Variants in CREB5 observed in about 807,000 individuals in gnomAD.
CREB5 encodes the protein cAMP responsive element binding protein 5.
A neutral mutation model predicts 57.1 loss-of-function variants in CREB5; 19 were observed. The ratio of observed to expected loss-of-function variants is 0.33; its 90% confidence interval spans 0.23 to 0.49. CREB5 has a LOEUF of 0.49. Ranked by LOEUF, CREB5 falls within the 20% of genes least tolerant of loss-of-function variation. The probability of loss-of-function intolerance (pLI) is 0.99; values close to 1 mark genes in which losing one functional copy is unlikely to be tolerated. For missense variants in CREB5, 579 were observed against 671.6 expected (o/e 0.86, Z 1.52); for synonymous variants, 238 against 238.3 (o/e 1.00, Z 0.01).
chr7:28,335,058 A>G (rs930286681), intron 1 of CREB5, among the ~76,000 whole-genome samples: 1 of 152,060 alleles, frequency 6.6e-6, no homozygotes, highest in Non-Finnish European at 1.5e-5. Flanking sequence ...CCCTTGGTCT[A>G]TGTGTCTTTA....
At chr7:28,403,267 C>T (rs1787512871) in intron 1 of CREB5, among the ~76,000 whole-genome samples, 1 of 152,164 alleles carries the variant, frequency 6.6e-6, no homozygotes, top group Non-Finnish European at 1.5e-5. Context: ...GGATTGATTC[C>T]TCCATCTAAC....
At chr7:28,481,588 C>T (rs1032018250) in intron 1 of CREB5, among the ~76,000 whole-genome samples, 1 of 152,160 alleles carries the variant, frequency 6.6e-6, no homozygotes, top group Non-Finnish European at 1.5e-5. Context: ...TGAAATGTCA[C>T]TTTTAAAGCA....
intron 5 of CREB5, among the ~76,000 whole-genome samples, chr7:28,684,501 G>A (rs930825068): frequency 3.9e-5 from 6 of 152,206 alleles, no homozygotes; most frequent in South Asian, 2.1e-4. Flanking sequence ...CCCTGAGTAC[G>A]GCAACACTCC....
intron 5 of CREB5, among the ~76,000 whole-genome samples, chr7:28,632,260 G>A (rs1270881096): frequency 6.6e-6 from 1 of 152,122 alleles, no homozygotes; most frequent in African/African-American, 2.4e-5. Flanking sequence ...AGCTACCAAG[G>A]AACAGAACTT....
chr7:28,557,942 G>T (rs1794941484), intron 4 of CREB5, among the ~76,000 whole-genome samples: 1 of 152,096 alleles, frequency 6.6e-6, no homozygotes, highest in Non-Finnish European at 1.5e-5. Context: ...ATTGCACCAG[G>T]GACCCCTAAG....
At chr7:28,391,730 A>G (rs769870844) in intron 1 of CREB5, among the ~76,000 whole-genome samples, 4 of 152,218 alleles carry the variant, frequency 2.6e-5, no homozygotes, top group Non-Finnish European at 5.9e-5. Flanking sequence ...ACCAAATATC[A>G]GAACAACAAA....
In CREB5 at chr7:28,764,223, G is replaced by C. The variant is rs13239891; in HGVS notation, c.702+39891G>C. Among the ~76,000 whole-genome samples, 148 of 151,928 alleles carry C rather than the reference G, an allele frequency of 9.7e-4. 1 individual carries two copies. In the South Asian group the frequency reaches 0.015, roughly 16 times the overall value. On this transcript the variant is annotated intron_variant, in intron 7 of 10. Transcript: ENST00000357727. The stretch of plus-strand genomic sequence containing the variant: ...TTTTACTGACCTGAATACACCCCTA[G>C]GTTCTTTAATGTTCTCTTATTATTT...
At chr7:28,456,107 G>A (rs1349742610) in intron 1 of CREB5, among the ~76,000 whole-genome samples, 5 of 152,130 alleles carry the variant, frequency 3.3e-5, no homozygotes, top group African/African-American at 1.2e-4. Context: ...AATTATAAAT[G>A]GACTTTAGAT....
chr7:28,784,963 T>C (rs781532918), intron 7 of CREB5, among the ~76,000 whole-genome samples: 4 of 152,200 alleles, frequency 2.6e-5, no homozygotes, highest in Non-Finnish European at 4.4e-5. Flanking sequence ...TCCTAGGGCC[T>C]CATTTCAAGT....
intron 1 of CREB5, among the ~76,000 whole-genome samples, chr7:28,300,551 G>C (rs1357486612): frequency 6.6e-6 from 1 of 152,146 alleles, no homozygotes; most frequent in African/African-American, 2.4e-5. Context: ...CCATGCTTTT[G>C]AGGAGTTTTC....
chr7:28,513,666 G>T (rs1035530298), intron 4 of CREB5: 1 of 152,184 alleles, frequency 6.6e-6, no homozygotes, highest in Non-Finnish European at 1.5e-5. Context: ...GGAATTTGAC[G>T]CTGGAAGGGA....
intron 1 of CREB5, among the ~76,000 whole-genome samples, chr7:28,364,600 C>G (rs1452435291): frequency 6.6e-6 from 1 of 152,162 alleles, no homozygotes; most frequent in East Asian, 1.9e-4. Flanking sequence ...CTCCAGTGTT[C>G]TTCCATTATG....
intron 1 of CREB5, among the ~76,000 whole-genome samples, chr7:28,305,712 T>C (rs1785169816): frequency 1.3e-5 from 2 of 148,760 alleles, no homozygotes; most frequent in African/African-American, 5.1e-5. Context: ...TTCTTGTTTT[T>C]CTTTTCTTTT....
rs149080071 is a variant in CREB5 at position 28,629,508 on chromosome 7, G to A, written c.464+58971G>A. ...CACTGTTGAGCAGGCAGGCTGGCAA[G>A]CAGGGAGTTTCTTTGCTTTAAAAGA... On this transcript the variant is annotated intron_variant, in intron 5 of 10. Coordinates refer to ENST00000357727, the MANE Select transcript of CREB5 (RefSeq NM_182898.4). Among the ~76,000 whole-genome samples the A allele has an allele frequency of 3.5e-3, 527 of 152,342 alleles. 2 individuals carry two copies. Among genetic ancestry groups the A allele is most frequent in the African/African-American group, 0.012 (500 of 41,574 alleles).
intron 5 of CREB5, among the ~76,000 whole-genome samples, chr7:28,638,419 C>G (rs1464524495): frequency 6.6e-6 from 1 of 151,184 alleles, no homozygotes; most frequent in Admixed American, 6.6e-5. Flanking sequence ...AATCACAGCT[C>G]ACTCCAACCT....
In CREB5 at chr7:28,648,282, A is replaced by C. The variant is rs531389824; in HGVS notation, c.465-70471A>C. Among the ~76,000 whole-genome samples, 8 of 152,316 alleles carry C rather than the reference A, an allele frequency of 5.3e-5. No individual in the cohort carries two copies. In the South Asian group the frequency reaches 1.7e-3, roughly 32 times the overall value. On this transcript the variant is annotated intron_variant, in intron 5 of 10. Transcript: ENST00000357727. ...GCACCAAAGTGTGTGATTTCTCTTG[A>C]TAGTCTTTTATTTGAAGAGGAGATA...
At chr7:28,766,222 T>C (rs186017320) in intron 7 of CREB5, among the ~76,000 whole-genome samples, 10 of 152,238 alleles carry the variant, frequency 6.6e-5, no homozygotes, top group Admixed American at 2.6e-4. Context: ...AAAGTTACTT[T>C]AAAGATAAAT....
chr7:28,727,988 C>G (rs1803416797), intron 7 of CREB5, among the ~76,000 whole-genome samples: 1 of 152,148 alleles, frequency 6.6e-6, no homozygotes. Context: ...CTCTGTCACC[C>G]TGGTTGGAGT....
intron 5 of CREB5, among the ~76,000 whole-genome samples, chr7:28,706,482 G>C (rs181032439): frequency 4.7e-4 from 72 of 152,278 alleles, no homozygotes; most frequent in African/African-American, 1.7e-3. Context: ...CCTAATAATG[G>C]AATCAATTTT....
Sources: gnomAD v4.1 joint callset for allele counts (sites outside exome capture counted in the v4.1 genomes callset) on GRCh38, gnomAD v4.1.1 for gene constraint, MANE v1.5 for transcripts, NCBI Gene and HGNC (gene_info 2026-07-23, HGNC 2026-07-21) for gene names.